The following ZDHHC3 variants were observed in gnomAD, a reference collection of about 807,000 sequenced individuals.
The protein encoded by ZDHHC3 is zDHHC palmitoyltransferase 3.
ZDHHC3 carries 9 observed loss-of-function variants against 30.6 expected under a neutral mutation model. The ratio of observed to expected loss-of-function variants is 0.29; its 90% CI spans 0.18 to 0.51. The LOEUF (loss-of-function observed/expected upper bound fraction) is 0.51. Ranked by LOEUF, ZDHHC3 falls within the 20% of genes least tolerant of loss-of-function variation. The probability of loss-of-function intolerance (pLI) is 0.97; values close to 1 mark genes in which losing one functional copy is unlikely to be tolerated. For synonymous variants in ZDHHC3, 136 were observed against 140.2 expected, an observed-to-expected ratio of 0.97 and a Z score of 0.21; for missense variants, 246 against 384.2, an observed-to-expected ratio of 0.64 and a Z score of 3.01.
At position 44,920,789 on chromosome 3, in the gene ZDHHC3, C is replaced by T; in HGVS notation, c.*5900G>A. On this transcript the variant is annotated 3_prime_UTR_variant, in exon 7 of 7. Coordinates refer to ENST00000424952, the MANE Select transcript of ZDHHC3 (RefSeq NM_001135179.2). The stretch of plus-strand genomic sequence containing the variant: ...CTTGGATTATACTCAACCTCCTCAC[C>T]AACCTCATAAAGTATTCCAGACAGA... 2 of 985,416 alleles carry T rather than the reference C, an allele frequency of 2.0e-6. No homozygotes were observed. The highest frequency in any genetic ancestry group is 2.4e-6 in the Non-Finnish European group (2 of 829,936). The allele number at this position is 985,416 out of a possible 1,614,324, so 61.0% of individuals were successfully genotyped here.
chr3:44,917,743 AG>A lies in ZDHHC3; in HGVS notation c.*8945del. The A allele has an allele frequency of 1.1e-6, 1 of 937,742 alleles. No homozygotes were observed. The highest frequency in any genetic ancestry group is 1.4e-6 in the Non-Finnish European group (1 of 703,720). 58.1% of individuals were successfully genotyped at this position (937,742 alleles called of 1,614,324 possible). A position where few individuals can be genotyped will look rare whatever the true frequency, so the allele number is the denominator to read the frequency against. ...CCAGACCTGGCCCAACATGGAGAGA[AG>A]AAGGAGGGGAAATGGCAAGGCCAAG... On this transcript the variant is annotated 3_prime_UTR_variant, in exon 7 of 7. Coordinates refer to ENST00000424952, the MANE Select transcript of ZDHHC3 (RefSeq NM_001135179.2).
chr3:44,929,590 T>G (rs1293268519), intron 5 of ZDHHC3, among the ~76,000 whole-genome samples, 154 bp from the exon 6 acceptor site: 2 of 152,128 alleles, frequency 1.3e-5, no homozygotes, highest in African/African-American at 2.4e-5. Context: ...ACGGTGAGAA[T>G]CATCCTGGCC....
At chr3:44,950,055 G>A (rs1703304963) in intron 2 of ZDHHC3, among the ~76,000 whole-genome samples, 1 of 152,104 alleles carries the variant, frequency 6.6e-6, no homozygotes, top group Admixed American at 6.5e-5. Flanking sequence ...GGCTGGTCTT[G>A]AACTCCTGGA....
At chr3:44,965,084 G>A (rs1308590178) in intron 1 of ZDHHC3, among the ~76,000 whole-genome samples, 1 of 152,074 alleles carries the variant, frequency 6.6e-6, no homozygotes, top group East Asian at 1.9e-4. Context: ...ATGATGATCT[G>A]AGCTCTGTGA....
In ZDHHC3 at chr3:44,923,242, A is replaced by G. The variant is rs1420522228; in HGVS notation, c.*3447T>C. On this transcript the variant is annotated 3_prime_UTR_variant, in exon 7 of 7. Transcript: ENST00000424952. ...AGACGCCTGCCACCACGCCCAGCTA[A>G]TTTTTTTATATTTTTAGTAGAGACA... 5 of 855,544 alleles carry G rather than the reference A, an allele frequency of 5.8e-6. No homozygotes were observed. The highest frequency in any genetic ancestry group is 7.0e-6 in the Non-Finnish European group (5 of 712,046). 53.0% of individuals were successfully genotyped at this position (855,544 alleles called of 1,614,324 possible).
At chr3:44,937,183 A>C (rs1238741339) in intron 3 of ZDHHC3, among the ~76,000 whole-genome samples, 2 of 152,022 alleles carry the variant, frequency 1.3e-5, no homozygotes, top group Admixed American at 6.6e-5. Context: ...GGTGGCTCAC[A>C]CCTGTAATCC....
chr3:44,938,067 T>A, intron 3 of ZDHHC3: 1 of 260,156 alleles, frequency 3.8e-6, no homozygotes, highest in Admixed American at 4.1e-5. Flanking sequence ...CACTGCAGTC[T>A]CCAACTCCTG....
At position 44,929,318 on chromosome 3, in the gene ZDHHC3, G is replaced by A. The variant is rs1701282510; in HGVS notation, c.729C>T (p.Cys243=). The change falls in exon 6 of 7, where the codon TGC becomes TGT. Residue 243 remains cysteine (C), a synonymous_variant. Coordinates refer to ENST00000424952, the MANE Select transcript of ZDHHC3 (RefSeq NM_001135179.2). ...GCCACCTGCTTACCGTCTCATCTGT[G>A]CAGATGGAGTGCACCTGGGTCCCAA... ...VMFGTQVHSI[C]TDETGIEQLK... The A allele has an allele frequency of 6.2e-7, 1 of 1,613,904 alleles. No homozygotes were observed. Among genetic ancestry groups the A allele is most frequent in the South Asian group, 1.1e-5 (1 of 91,056 alleles).
intron 5 of ZDHHC3, chr3:44,932,834 G>A: frequency 6.8e-7 from 1 of 1,462,814 alleles, no homozygotes; most frequent in East Asian, 2.3e-5. Context: ...CGGCCTCTGT[G>A]CTTGCTTGGG....
Position 44,961,508 on chromosome 3 carries a change from T to C in ZDHHC3, c.-24-2048A>G, listed in dbSNP as rs149341934. Among the ~76,000 whole-genome samples the C allele has an allele frequency of 2.2e-4, 33 of 152,348 alleles. No individual in the cohort carries two copies. In the South Asian group the frequency reaches 2.5e-3, roughly 11 times the overall value. On this transcript the variant is annotated intron_variant, in intron 1 of 6. Coordinates refer to ENST00000424952, the MANE Select transcript of ZDHHC3 (RefSeq NM_001135179.2). ...TGCTATCCAGAGGACAGTGGCAATGTAGTCCTGCCAGAGACAACCTAAATG... is the reference window on the plus strand; with the variant it reads ...TGCTATCCAGAGGACAGTGGCAATGCAGTCCTGCCAGAGACAACCTAAATG...
In ZDHHC3 at chr3:44,939,253, TTCTC is replaced by T. The variant is rs554064978; in HGVS notation, c.432-5273_432-5270del. 2.2e-3 allele frequency among the ~76,000 whole-genome samples: 328 copies of T among 152,348 alleles called. 3 individuals carry two copies. The highest frequency in any genetic ancestry group is 7.3e-3 in the African/African-American group (304 of 41,588). On this transcript the variant is annotated intron_variant, in intron 3 of 6. Coordinates refer to ENST00000424952, the MANE Select transcript of ZDHHC3 (RefSeq NM_001135179.2). ...CCAGCAAGTCCATTAGCCACTCTGC[TTCTC>T]TCTCTCTGTTACCACTTTTAAAAAT... is the stretch of plus-strand genomic sequence containing the variant.
intron 1 of ZDHHC3, among the ~76,000 whole-genome samples, chr3:44,962,688 A>G (rs1704588394): frequency 6.6e-6 from 1 of 152,148 alleles, no homozygotes; most frequent in Non-Finnish European, 1.5e-5. Flanking sequence ...ACTGAAATTC[A>G]CTGGGTCTCG....
intron 2 of ZDHHC3, among the ~76,000 whole-genome samples, chr3:44,950,981 A>C (rs940682737): frequency 2.6e-5 from 4 of 152,196 alleles, no homozygotes; most frequent in African/African-American, 9.7e-5. Context: ...CACTGACTTT[A>C]TCTCTCTCAT....
At chr3:44,943,209 C>T (rs552875544) in intron 3 of ZDHHC3, among the ~76,000 whole-genome samples, 3 of 152,220 alleles carry the variant, frequency 2.0e-5, no homozygotes, top group African/African-American at 7.2e-5. Flanking sequence ...CATGTGTCAT[C>T]CCCAAACTGG....
chr3:44,963,563 AAC>A (rs1327328834), intron 1 of ZDHHC3, among the ~76,000 whole-genome samples: 1 of 151,878 alleles, frequency 6.6e-6, no homozygotes, highest in Middle Eastern at 3.2e-3. Flanking sequence ...CCCTAACAAA[AAC>A]AAAAAAGGCA....
chr3:44,975,732 C>T (rs1342777813), intron 1 of ZDHHC3, among the ~76,000 whole-genome samples: 1 of 151,184 alleles, frequency 6.6e-6, no homozygotes, highest in Non-Finnish European at 1.5e-5. Flanking sequence ...CGACGTCCGC[C>T]CCTCCTTAGT....
rs10576157 is a variant in ZDHHC3 at position 44,918,233 on chromosome 3, CGG to C, written c.*8454_*8455del. On this transcript the variant is annotated 3_prime_UTR_variant, in exon 7 of 7. Coordinates refer to ENST00000424952, the MANE Select transcript of ZDHHC3 (RefSeq NM_001135179.2). ...ACCCCCAGCTATAGCATAGCAGTGG[CGG>C]GGGGGGGGGCGGGGTGTCCACGGCA... 616,038 of 1,134,166 alleles carry C rather than the reference CGG, an allele frequency of 0.54. 163,021 individuals are homozygous for C. Among genetic ancestry groups the C allele is most frequent in the East Asian group, 0.87 (14,607 of 16,790 alleles). The allele number at this position is 1,134,166 out of a possible 1,614,324, so 70.3% of individuals were successfully genotyped here.
At chr3:44,934,249 A>G (rs938430796) in intron 3 of ZDHHC3, among the ~76,000 whole-genome samples, 4 of 152,194 alleles carry the variant, frequency 2.6e-5, no homozygotes, top group Non-Finnish European at 5.9e-5. Flanking sequence ...ACATGGTTAC[A>G]TGGCTAAGAT....
Position 44,919,215 on chromosome 3 carries a change from T to C in ZDHHC3, c.*7474A>G. 1 of 511,816 alleles carries C rather than the reference T, an allele frequency of 2.0e-6. No individual in the cohort carries two copies. Among genetic ancestry groups the C allele is most frequent in the Non-Finnish European group, 2.5e-6 (1 of 398,964 alleles). 31.7% of individuals were successfully genotyped at this position (511,816 alleles called of 1,614,324 possible). ...GGAAGAAACATTGCACGTACCACCT[T>C]CACCCAATGATCAAAGTTAACATCA... On this transcript the variant is annotated 3_prime_UTR_variant, in exon 7 of 7. Transcript: ENST00000424952.
Sources: gnomAD v4.1 joint callset for allele counts (sites outside exome capture counted in the v4.1 genomes callset) on GRCh38, gnomAD v4.1.1 for gene constraint, MANE v1.5 for transcripts, NCBI Gene and HGNC (gene_info 2026-07-23, HGNC 2026-07-21) for gene names.